CCDC7: variants seen among roughly 807,000 people sequenced by gnomAD.
The protein encoded by CCDC7 is coiled-coil domain containing 7.
In CCDC7, 183 loss-of-function variants were observed where a neutral mutation model predicts 196.9. The ratio of observed to expected loss-of-function variants is 0.93; its 90% CI spans 0.82 to 1.05. CCDC7 has a LOEUF of 1.05. CCDC7 is among the 50% of genes least tolerant of loss of function. The pLI, the probability that CCDC7 is intolerant of heterozygous loss-of-function variation, is 0.00. For synonymous variants in CCDC7, 525 were observed against 484.6 expected (o/e 1.08, Z -1.10); for missense variants, 1,540 against 1,482.2 (o/e 1.04, Z -0.64).
intron 18 of CCDC7, among the ~76,000 whole-genome samples, chr10:32,598,812 C>A (rs2060690787): frequency 6.6e-6 from 1 of 152,164 alleles, no homozygotes; most frequent in African/African-American, 2.4e-5. Flanking sequence ...TTTATTAAGA[C>A]TTGTTTTGTG....
intron 31 of CCDC7, among the ~76,000 whole-genome samples, chr10:32,816,088 AAAAG>A (rs151200644): frequency 0.14 from 21,790 of 152,052 alleles, 1,876 homozygotes; most frequent in African/African-American, 0.25. Context: ...CTTTCCTAGT[AAAAG>A]AAAGGGGTGA....
exon 7 of CCDC7, chr10:32,472,500 G>A (rs752682862): frequency 6.3e-7 from 1 of 1,587,322 alleles, no homozygotes; most frequent in Admixed American, 1.7e-5. Flanking sequence ...AAATCGACCA[G>A]AAGCAGTGAA....
chr10:32,595,855 G>A (rs989499757), intron 18 of CCDC7, among the ~76,000 whole-genome samples: 1 of 152,202 alleles, frequency 6.6e-6, no homozygotes, highest in Non-Finnish European at 1.5e-5. Context: ...GAGTGGTTTT[G>A]AGTGAGTTGC....
At chr10:32,613,869 T>A (rs959010439) in intron 18 of CCDC7, among the ~76,000 whole-genome samples, 5 of 152,206 alleles carry the variant, frequency 3.3e-5, no homozygotes, top group African/African-American at 9.6e-5. Context: ...ATGTATATTC[T>A]GTTGATTTTG....
chr10:32,787,073 C>T lies in CCDC7; in HGVS notation c.3013+7989C>T, dbSNP rs367682876. Among the ~76,000 whole-genome samples the T allele has an allele frequency of 5.3e-5, 8 of 151,858 alleles. No individual in the cohort carries two copies. The South Asian group carries it at 6.3e-4, about 12-fold the overall frequency. ...AGGGAAGGGACCTGTGGGACACCAT[C>T]GAGTGGATCAGCAACACATTATGTG... On this transcript the variant is annotated intron_variant, in intron 29 of 41. Transcript: ENST00000639629.
chr10:32,796,989 T>A (rs2083678547), intron 29 of CCDC7, among the ~76,000 whole-genome samples: 1 of 152,038 alleles, frequency 6.6e-6, no homozygotes, highest in Non-Finnish European at 1.5e-5. Context: ...TAAAAGACAA[T>A]CTACTTAAGA....
Position 32,571,842 on chromosome 10 carries a change from T to C in CCDC7, c.1420-17T>C, listed in dbSNP as rs1327709048. On this transcript the variant is annotated splice_polypyrimidine_tract_variant and intron_variant, in intron 15 of 41. Transcript: ENST00000639629. The stretch of plus-strand genomic sequence containing the variant: ...GCATACTTGATATTTTTAAATGTAG[T>C]ATTATCTTTATCACAGATCACTGCC... The C allele has an allele frequency of 1.5e-5, 23 of 1,543,428 alleles. No homozygotes were observed. Among genetic ancestry groups the C allele is most frequent in the Non-Finnish European group, 2.0e-5 (23 of 1,151,128 alleles).
At chr10:32,555,834 C>A (rs1032116786) in intron 13 of CCDC7, among the ~76,000 whole-genome samples, 1 of 152,198 alleles carries the variant, frequency 6.6e-6, no homozygotes, top group African/African-American at 2.4e-5. Context: ...CTGGGCAGCT[C>A]AGCTTAGTTT....
Position 32,846,460 on chromosome 10 carries a change from G to T in CCDC7, c.3688+1G>T, listed in dbSNP as rs1422495028. 1 of 1,565,918 alleles carries T rather than the reference G, an allele frequency of 6.4e-7. No individual in the cohort carries two copies. On this transcript the variant is annotated splice_donor_variant, in intron 37 of 41. Coordinates refer to ENST00000639629, the Ensembl canonical transcript of CCDC7. LOFTEE classifies it high-confidence loss of function. ...AGTGCACAATTAAAGAGTCACCAGGGTAAGAAAAATAATTTTTGAGTCTAA... is the reference window on the plus strand; with the variant it reads ...AGTGCACAATTAAAGAGTCACCAGGTTAAGAAAAATAATTTTTGAGTCTAA...
intron 28 of CCDC7, among the ~76,000 whole-genome samples, chr10:32,758,249 A>T (rs947824255): frequency 4.6e-5 from 7 of 152,204 alleles, no homozygotes; most frequent in Admixed American, 1.3e-4. Context: ...AACTCATTTT[A>T]TGAGGCCAGC....
intron 28 of CCDC7, among the ~76,000 whole-genome samples, chr10:32,741,942 C>T (rs527579082): frequency 6.6e-6 from 1 of 152,186 alleles, no homozygotes; most frequent in African/African-American, 2.4e-5. Flanking sequence ...CTTCTCATTT[C>T]TAGTTAGGTT....
At chr10:32,757,751 T>C (rs576670489) in intron 28 of CCDC7, among the ~76,000 whole-genome samples, 1 of 151,914 alleles carries the variant, frequency 6.6e-6, no homozygotes, top group Admixed American at 6.5e-5. Context: ...ATAACTAAGA[T>C]CAGAGCAGAA....
intron 23 of CCDC7, among the ~76,000 whole-genome samples, chr10:32,693,499 C>T (rs918207788): frequency 9.2e-5 from 14 of 152,064 alleles, no homozygotes; most frequent in African/African-American, 3.4e-4. Context: ...GAAATCCCTT[C>T]AGGTCAATTT....
chr10:32,706,745 A>G (rs767554392), intron 24 of CCDC7, among the ~76,000 whole-genome samples: 4 of 152,256 alleles, frequency 2.6e-5, no homozygotes, highest in Admixed American at 6.5e-5. Context: ...TCCTGGACAC[A>G]TATGCCCTCC....
chr10:32,526,298 AC>A (rs1476236381), intron 11 of CCDC7, among the ~76,000 whole-genome samples: 1 of 151,892 alleles, frequency 6.6e-6, no homozygotes, highest in Admixed American at 6.6e-5. Context: ...CCTGGGACTC[AC>A]CCTTCAGGGC....
intron 13 of CCDC7, among the ~76,000 whole-genome samples, chr10:32,552,903 A>G (rs1421853264): frequency 6.6e-6 from 1 of 151,498 alleles, no homozygotes; most frequent in African/African-American, 2.4e-5. Flanking sequence ...TGCCTAGGTG[A>G]AGATCTTTTT....
At chr10:32,456,480 TA>T in intron 3 of CCDC7, 146 bp downstream of exon 4, 1 of 601,354 alleles carries the variant, frequency 1.7e-6, no homozygotes, top group East Asian at 3.6e-5. Flanking sequence ...ATTATTTATT[TA>T]TTTTTTATTC....
downstream of CCDC7, chr10:32,876,509 A>C (rs1249497542): frequency 3.1e-6 from 3 of 976,798 alleles, no homozygotes; most frequent in Admixed American, 7.2e-5. Flanking sequence ...GATGGTGCTT[A>C]TTGAAAAACA....
chr10:32,562,075 C>G (rs955465966), intron 13 of CCDC7, among the ~76,000 whole-genome samples: 2 of 152,218 alleles, frequency 1.3e-5, no homozygotes, highest in African/African-American at 2.4e-5. Flanking sequence ...TTCCTCGACA[C>G]ATACACCCTC....
Sources: allele counts gnomAD v4.1 joint callset (sites outside exome capture counted in the v4.1 genomes callset), GRCh38; gene constraint gnomAD v4.1.1; transcripts MANE v1.5; gene names NCBI Gene and HGNC (gene_info 2026-07-23, HGNC 2026-07-21).